Variants in AFAP1 observed in about 807,000 individuals in gnomAD.
AFAP1 encodes the protein actin filament-associated protein 1.
Under a neutral mutation model 93.9 loss-of-function variants are expected in AFAP1, and 75 were observed. The ratio of observed to expected loss-of-function variants is 0.80; its 90% CI spans 0.66 to 0.97. AFAP1 has a LOEUF of 0.97. Ranked by LOEUF, AFAP1 falls within the 50% of genes least tolerant of loss-of-function variation. The pLI is 0.00. For synonymous variants in AFAP1, 517 were observed against 430.7 expected (o/e 1.20, Z -2.48); for missense variants, 1,201 against 1,050.8 (o/e 1.14, Z -1.98).
chr4:7,828,251 C>G (rs145864015), intron 6 of AFAP1, among the ~76,000 whole-genome samples: 81 of 152,304 alleles, frequency 5.3e-4, no homozygotes, highest in African/African-American at 1.9e-3. Flanking sequence ...AGCGTCGCCC[C>G]CACGCCCCCC....
intron 1 of AFAP1, among the ~76,000 whole-genome samples, chr4:7,880,677 G>C (rs562500118): frequency 2.0e-5 from 3 of 152,228 alleles, no homozygotes. Flanking sequence ...CGGGAACGGG[G>C]TGACCAGACC....
At chr4:7,872,462 C>T (rs1029857002) in intron 1 of AFAP1, 2 of 176,162 alleles carry the variant, frequency 1.1e-5, no homozygotes, top group Non-Finnish European at 2.4e-5. Context: ...ACCAGTAGGG[C>T]ATGGTTTCAG....
intron 3 of AFAP1, among the ~76,000 whole-genome samples, chr4:7,863,362 T>A (rs113310149): frequency 3.9e-5 from 6 of 152,022 alleles, no homozygotes; most frequent in Non-Finnish European, 5.9e-5. Context: ...GAGGCTGCAG[T>A]GAGCCCAGAT....
intron 3 of AFAP1, among the ~76,000 whole-genome samples, chr4:7,865,728 T>C (rs1408137269): frequency 2.0e-5 from 3 of 152,208 alleles, no homozygotes; most frequent in Non-Finnish European, 2.9e-5. Flanking sequence ...CATCTGAAAC[T>C]GGCATCCCTC....
intron 1 of AFAP1, among the ~76,000 whole-genome samples, chr4:7,924,469 T>G (rs1242012567): frequency 2.6e-5 from 4 of 152,214 alleles, no homozygotes; most frequent in Non-Finnish European, 5.9e-5. Flanking sequence ...CAATGGCGCC[T>G]AGGTACTATT....
intron 17 of AFAP1, among the ~76,000 whole-genome samples, chr4:7,766,010 G>GAGT (rs1714517589): frequency 6.6e-6 from 1 of 152,200 alleles, no homozygotes; most frequent in African/African-American, 2.4e-5. Context: ...ACTGGGTCAT[G>GAGT]AGTACACTGC....
At chr4:7,776,516 G>C (rs1165141621) in intron 14 of AFAP1, 1 of 152,160 alleles carries the variant, frequency 6.6e-6, no homozygotes, top group Non-Finnish European at 1.5e-5. Context: ...AGCGATAAGT[G>C]ATTCCCAGAG....
chr4:7,773,123 C>T (rs904835919), intron 15 of AFAP1, 113 bp from the exon 16 acceptor site: 1 of 1,446,476 alleles, frequency 6.9e-7, no homozygotes, highest in Admixed American at 2.6e-5. Flanking sequence ...GGTCGAGCTC[C>T]CCTGACTTAG....
intron 1 of AFAP1, among the ~76,000 whole-genome samples, chr4:7,932,271 C>A (rs1044448350): frequency 1.3e-5 from 2 of 152,150 alleles, no homozygotes; most frequent in Non-Finnish European, 2.9e-5. Flanking sequence ...AAAACGAGGT[C>A]CTGCTTGGTT....
intron 1 of AFAP1, among the ~76,000 whole-genome samples, chr4:7,904,411 G>T (rs1560229190): frequency 6.6e-6 from 1 of 152,058 alleles, no homozygotes; most frequent in Admixed American, 6.5e-5. Flanking sequence ...CATGAGTAAC[G>T]CCAGTGATAG....
In AFAP1 at chr4:7,786,391, CT is replaced by C; in HGVS notation, c.1413-81del. 4.2e-6 allele frequency: 5 copies of C among 1,192,038 alleles called. No individual in the cohort carries two copies. In the South Asian group the frequency reaches 6.4e-5, roughly 15 times the overall value. 73.8% of individuals were successfully genotyped at this position (1,192,038 alleles called of 1,614,324 possible). A position where few individuals can be genotyped will look rare whatever the true frequency, so the allele number is the denominator to read the frequency against. On this transcript the variant is annotated intron_variant, in intron 11 of 17. Transcript: ENST00000420658. Reference sequence around the variant, plus strand: ...CAGTCAAGTCTTTAATGAGTTCTGACTTTATGCCCAAGGCTATGTCAGAGGT... The same window carrying C: ...CAGTCAAGTCTTTAATGAGTTCTGACTTATGCCCAAGGCTATGTCAGAGGT...
intron 6 of AFAP1, 40 bp downstream of exon 6, chr4:7,838,484 G>A (rs768483442): frequency 3.8e-6 from 6 of 1,568,828 alleles, no homozygotes; most frequent in Non-Finnish European, 5.2e-6. Context: ...AGAAAGGCAT[G>A]TGGAACTGAA....
chr4:7,897,139 A>C (rs1718826098), intron 1 of AFAP1, among the ~76,000 whole-genome samples: 1 of 152,124 alleles, frequency 6.6e-6, no homozygotes, highest in Non-Finnish European at 1.5e-5. Context: ...AACCATTTCC[A>C]ACTGCCTTCT....
At chr4:7,781,655 T>TGTGTTTG (rs1716787440) in intron 12 of AFAP1, 28 bp from the exon 13 acceptor site, 2 of 1,548,040 alleles carry the variant, frequency 1.3e-6, no homozygotes, top group Admixed American at 2.0e-5. Flanking sequence ...TTGTGGTTAG[T>TGTGTTTG]GACTTGGACA....
At chr4:7,903,148 G>A (rs576135542) in intron 1 of AFAP1, among the ~76,000 whole-genome samples, 32 of 152,312 alleles carry the variant, frequency 2.1e-4, no homozygotes, top group African/African-American at 6.5e-4. Context: ...AGTGACAGAA[G>A]AAAGAAGAAT....
intron 1 of AFAP1, among the ~76,000 whole-genome samples, chr4:7,904,308 G>C (rs138733414): frequency 7.2e-5 from 11 of 152,136 alleles, no homozygotes; most frequent in African/African-American, 9.6e-5. Flanking sequence ...ACACATGACA[G>C]ACAGGTCCTT....
In AFAP1 at chr4:7,911,712, C is replaced by T. The variant is rs555878973; in HGVS notation, c.-3+27944G>A. On this transcript the variant is annotated intron_variant, in intron 1 of 17. Transcript: ENST00000420658. Reference sequence around the variant, plus strand: ...AGGGCCTCTGATTCTAGAACCAGTACTTGTGTCACTATTCCACACGGGTCC... The same window carrying T: ...AGGGCCTCTGATTCTAGAACCAGTATTTGTGTCACTATTCCACACGGGTCC... 2.6e-5 allele frequency among the ~76,000 whole-genome samples: 4 copies of T among 152,322 alleles called. No homozygotes were observed. In the East Asian group the frequency reaches 7.7e-4, roughly 29 times the overall value.
At chr4:7,846,987 T>G (rs1487695630) in intron 4 of AFAP1, among the ~76,000 whole-genome samples, 2 of 152,212 alleles carry the variant, frequency 1.3e-5, no homozygotes, top group Non-Finnish European at 2.9e-5. Context: ...GGGAATGAGT[T>G]GAGGTCTACA....
chr4:7,825,787 A>G (rs1002555853), intron 6 of AFAP1, among the ~76,000 whole-genome samples: 2 of 152,142 alleles, frequency 1.3e-5, no homozygotes, highest in Non-Finnish European at 2.9e-5. Flanking sequence ...AAATTAACAT[A>G]GCCCAGAAAG....
Sources: allele counts gnomAD v4.1 joint callset (sites outside exome capture counted in the v4.1 genomes callset), GRCh38; gene constraint gnomAD v4.1.1; transcripts MANE v1.5; gene names NCBI Gene and HGNC (gene_info 2026-07-23, HGNC 2026-07-21).